ERC2: variants seen among roughly 807,000 people sequenced by gnomAD.
The protein encoded by ERC2 is ERC protein 2.
In ERC2, 42 loss-of-function variants were observed where a neutral mutation model predicts 114.8. The observed-to-expected ratio is 0.37, with a 90% CI of 0.29 to 0.47. The LOEUF (loss-of-function observed/expected upper bound fraction) is 0.47, where lower values mean the gene tolerates loss of function less well. ERC2 is among the 20% of genes least tolerant of loss of function. ERC2 has a pLI of 0.99. For missense variants in ERC2, 939 were observed against 1,150.7 expected (o/e 0.82, Z 2.66); for synonymous variants, 454 against 425.5 (o/e 1.07, Z -0.82).
At chr3:55,914,105 C>T (rs927225742) in intron 13 of ERC2, among the ~76,000 whole-genome samples, 1 of 151,836 alleles carries the variant, frequency 6.6e-6, no homozygotes, top group African/African-American at 2.4e-5. Flanking sequence ...GAAAAGTCTC[C>T]AAAAGTGATC....
At position 55,508,511 on chromosome 3, in the gene ERC2, C is replaced by T. The variant is rs961038238; in HGVS notation, c.*2805G>A. On this transcript the variant is annotated 3_prime_UTR_variant, in exon 18 of 18. Coordinates refer to ENST00000288221, the MANE Select transcript of ERC2 (RefSeq NM_015576.3). Reference sequence around the variant, plus strand: ...AGTTTTATTTATTTATTTTTCATATCGATGTCCATAATCACATGGTCAATA... The same window carrying T: ...AGTTTTATTTATTTATTTTTCATATTGATGTCCATAATCACATGGTCAATA... 2 of 152,368 alleles carry T rather than the reference C, an allele frequency of 1.3e-5. No individual in the cohort carries two copies. Among genetic ancestry groups the T allele is most frequent in the Non-Finnish European group, 2.9e-5 (2 of 68,006 alleles). 9.4% of individuals were successfully genotyped at this position (152,368 alleles called of 1,614,324 possible). A position where few individuals can be genotyped will look rare whatever the true frequency, so the allele number is the denominator to read the frequency against.
chr3:56,183,440 G>A (rs1258975456), intron 3 of ERC2, among the ~76,000 whole-genome samples: 1 of 152,166 alleles, frequency 6.6e-6, no homozygotes, highest in Non-Finnish European at 1.5e-5. Context: ...GAGAGGTTGG[G>A]ATAAATATAT....
At chr3:55,811,875 C>A (rs994599187) in intron 14 of ERC2, among the ~76,000 whole-genome samples, 6 of 152,082 alleles carry the variant, frequency 3.9e-5, no homozygotes, top group African/African-American at 1.4e-4. Flanking sequence ...TTTTAAGTTC[C>A]AGGATACATA....
intron 17 of ERC2, among the ~76,000 whole-genome samples, chr3:55,587,227 C>T (rs1177672221): frequency 2.6e-5 from 4 of 152,116 alleles, no homozygotes; most frequent in African/African-American, 9.7e-5. Flanking sequence ...GATCTCGGCT[C>T]ACTGCAACCT....
intron 12 of ERC2, among the ~76,000 whole-genome samples, chr3:55,983,781 A>G (rs1230871082): frequency 1.3e-5 from 2 of 152,218 alleles, no homozygotes; most frequent in African/African-American, 2.4e-5. Context: ...ACACATACAC[A>G]CATATATATA....
At chr3:56,263,796 C>T (rs1292552967) in intron 3 of ERC2, among the ~76,000 whole-genome samples, 1 of 152,068 alleles carries the variant, frequency 6.6e-6, no homozygotes, top group African/African-American at 2.4e-5. Flanking sequence ...GGCAATACTT[C>T]CAAACTCATT....
intron 6 of ERC2, among the ~76,000 whole-genome samples, chr3:56,127,062 A>G (rs1442686020): frequency 2.6e-5 from 4 of 152,170 alleles, no homozygotes; most frequent in African/African-American, 9.7e-5. Flanking sequence ...TCAAGAAAAC[A>G]ATCCCATTTA....
chr3:55,960,986 T>G (rs1331810439), intron 12 of ERC2, among the ~76,000 whole-genome samples: 1 of 152,188 alleles, frequency 6.6e-6, no homozygotes, highest in Non-Finnish European at 1.5e-5. Flanking sequence ...ATACAAAAAT[T>G]AGCCAGGTGT....
intron 6 of ERC2, among the ~76,000 whole-genome samples, chr3:56,105,645 A>G (rs764739273): frequency 2.1e-4 from 32 of 152,202 alleles, no homozygotes; most frequent in Non-Finnish European, 3.4e-4. Flanking sequence ...CAGAGGAAAG[A>G]CAGAACTAGA....
chr3:55,684,244 T>C (rs973746979), intron 16 of ERC2, among the ~76,000 whole-genome samples: 2 of 152,126 alleles, frequency 1.3e-5, no homozygotes, highest in Non-Finnish European at 2.9e-5. Context: ...GAAGTAATTA[T>C]AGTAATCAAA....
At position 56,434,903 on chromosome 3, in the gene ERC2, C is replaced by T; in HGVS notation, c.105G>A (p.Gly35=). 1.2e-6 allele frequency: 2 copies of T among 1,613,872 alleles called. No homozygotes were observed. Among genetic ancestry groups the T allele is most frequent in the Non-Finnish European group, 1.7e-6 (2 of 1,179,868 alleles). The part of the protein sequence containing the change: ...PRLGHRRTSS[G]GGGGTGKTLS... The stretch of plus-strand genomic sequence containing the variant: ...GAGTCTTGCCTGTTCCTCCACCTCC[C>T]CCACTACTTGTTCTTCGGTGGCCCA... Residue 35 remains glycine (G), a synonymous_variant, in exon 2 of 18, where the codon GGG becomes GGA. Transcript: ENST00000288221.
In ERC2 at chr3:55,582,685, C is replaced by T. The variant is rs967668080; in HGVS notation, c.*40-71409G>A. On this transcript the variant is annotated intron_variant, in intron 17 of 17. Transcript: ENST00000288221. ...TCTTCTGCAGGGCTCTGACCAGAGC[C>T]CTCCCTTGCCTAAAGGAGTAAACTC... 7.9e-5 allele frequency among the ~76,000 whole-genome samples: 12 copies of T among 152,278 alleles called. 1 individual carries two copies. Among genetic ancestry groups the T allele is most frequent in the Admixed American group, 7.8e-4 (12 of 15,296 alleles).
At chr3:56,398,480 C>T (rs1055733047) in intron 2 of ERC2, among the ~76,000 whole-genome samples, 13 of 152,002 alleles carry the variant, frequency 8.6e-5, no homozygotes, top group Non-Finnish European at 1.8e-4. Flanking sequence ...ACATTTGAGA[C>T]ATACTTATAC....
intron 12 of ERC2, among the ~76,000 whole-genome samples, chr3:55,952,180 C>A (rs1159313626): frequency 0.012 from 306 of 25,548 alleles, 12 homozygotes; most frequent in East Asian, 0.086. Context: ...CACACACACA[C>A]TCTCTCTCTC....
intron 3 of ERC2, among the ~76,000 whole-genome samples, chr3:56,219,352 A>G (rs755842344): frequency 5.9e-5 from 9 of 152,014 alleles, no homozygotes; most frequent in Non-Finnish European, 1.2e-4. Context: ...AAGAAGACTA[A>G]GAAACTCTGG....
At chr3:56,156,470 G>T (rs1291392790) in intron 4 of ERC2, among the ~76,000 whole-genome samples, 1 of 152,106 alleles carries the variant, frequency 6.6e-6, no homozygotes, top group Non-Finnish European at 1.5e-5. Context: ...TGAAGCACTG[G>T]AACCAGGTCT....
intron 2 of ERC2, among the ~76,000 whole-genome samples, chr3:56,365,051 G>A (rs113334200): frequency 4.6e-5 from 7 of 152,316 alleles, no homozygotes; most frequent in African/African-American, 1.7e-4. Context: ...AAAAGTAAAT[G>A]AGATAATTTA....
chr3:56,141,018 C>T (rs1477930362), intron 5 of ERC2, among the ~76,000 whole-genome samples: 1 of 152,072 alleles, frequency 6.6e-6, no homozygotes, highest in Non-Finnish European at 1.5e-5. Flanking sequence ...AGGGAGGCTC[C>T]ACTCAAAAAA....
Position 56,235,249 on chromosome 3 carries a change from C to G in ERC2, c.1074+60770G>C, listed in dbSNP as rs534550772. On this transcript the variant is annotated intron_variant, in intron 3 of 17. Transcript: ENST00000288221. ...TTCCAAGCTGAAAACTGAGATGTAA[C>G]AGTAAACAAGATAGGTATGGCCCCT... Among the ~76,000 whole-genome samples the G allele has an allele frequency of 2.4e-4, 37 of 152,260 alleles. No homozygotes were observed. The East Asian group carries it at 7.1e-3, about 29-fold the overall frequency.
Sources: gnomAD v4.1 joint callset for allele counts (sites outside exome capture counted in the v4.1 genomes callset) on GRCh38, gnomAD v4.1.1 for gene constraint, MANE v1.5 for transcripts, NCBI Gene and HGNC (gene_info 2026-07-23, HGNC 2026-07-21) for gene names.